The following TTLL5 variants were observed in gnomAD, a reference collection of about 807,000 sequenced individuals.
TTLL5 encodes the protein tubulin tyrosine ligase like 5.
Under a neutral mutation model 168.4 loss-of-function variants are expected in TTLL5, and 132 were observed. That is an observed-to-expected ratio of 0.78 (90% confidence interval 0.68 to 0.91). The LOEUF (loss-of-function observed/expected upper bound fraction) is 0.91, where lower values mean the gene tolerates loss of function less well. TTLL5 is among the 40% of genes least tolerant of loss of function. The probability of loss-of-function intolerance (pLI) is 0.00; values close to 1 mark genes in which losing one functional copy is unlikely to be tolerated. For missense variants in TTLL5, 1,545 were observed against 1,581.5 expected (o/e 0.98, Z 0.39); for synonymous variants, 546 against 558.6 (o/e 0.98, Z 0.32).
chr14:75,677,539 G>A (rs1884268110), intron 3 of TTLL5, among the ~76,000 whole-genome samples: 1 of 151,706 alleles, frequency 6.6e-6, no homozygotes, highest in Non-Finnish European at 1.5e-5. Context: ...TGGGACTACA[G>A]GCGCACAGCA....
Position 75,779,696 on chromosome 14 carries a change from A to G in TTLL5, c.2509A>G (p.Lys837Glu). The change falls in exon 24 of 32, where the codon AAA (lysine) becomes GAA (glutamate). Residue 837 changes from lysine to glutamate, a missense_variant. Coordinates refer to ENST00000298832, the MANE Select transcript of TTLL5 (RefSeq NM_015072.5). Reference protein sequence around the residue: ...NNNNYSDSGAKGDHPETIMEE... With the variant: ...NNNNYSDSGAEGDHPETIMEE... The stretch of plus-strand genomic sequence containing the variant: ...CAACAATTATTCTGATAGTGGGGCA[A>G]AAGGTGGTAAGTATACTGGTTAATG... 3 of 1,611,678 alleles carry G rather than the reference A, an allele frequency of 1.9e-6. No individual in the cohort carries two copies. Among genetic ancestry groups the G allele is most frequent in the Non-Finnish European group, 2.5e-6 (3 of 1,179,290 alleles).
At chr14:75,905,797 G>T (rs1450597785) in intron 31 of TTLL5, among the ~76,000 whole-genome samples, 1 of 152,202 alleles carries the variant, frequency 6.6e-6, no homozygotes, top group Non-Finnish European at 1.5e-5. Flanking sequence ...TACTGTAGGA[G>T]TCTGAAGCCG....
intron 2 of TTLL5, among the ~76,000 whole-genome samples, chr14:75,667,820 G>A (rs1467284440): frequency 7.1e-6 from 1 of 141,472 alleles, no homozygotes; most frequent in Non-Finnish European, 1.5e-5. Flanking sequence ...GAGTGTAGTG[G>A]CACGATCTTG....
intron 28 of TTLL5, among the ~76,000 whole-genome samples, chr14:75,843,076 C>T (rs1181367833): frequency 6.6e-6 from 1 of 152,172 alleles, no homozygotes; most frequent in Non-Finnish European, 1.5e-5. Context: ...CCTGCCTGAC[C>T]AGTCCAGGAT....
At chr14:75,919,127 G>C (rs2033725563) in intron 31 of TTLL5, among the ~76,000 whole-genome samples, 1 of 142,806 alleles carries the variant, frequency 7.0e-6, no homozygotes. Context: ...CTTCAACCAG[G>C]GAGTCAGAGG....
rs1219352574 is a variant in TTLL5 at position 75,745,463 on chromosome 14, A to G, written c.1396-27A>G. The stretch of plus-strand genomic sequence containing the variant: ...ATGGACTCCGGTTTTCAAAATAGGT[A>G]CTCATTTTATCTTATTTTTCATCTA... On this transcript the variant is annotated intron_variant, in intron 16 of 31. Coordinates refer to ENST00000298832, the MANE Select transcript of TTLL5 (RefSeq NM_015072.5). 5.6e-6 allele frequency: 9 copies of G among 1,609,016 alleles called. No homozygotes were observed. In the South Asian group the frequency reaches 8.8e-5, roughly 16 times the overall value.
chr14:75,829,050 TA>T (rs1208953070), intron 28 of TTLL5, among the ~76,000 whole-genome samples: 41 of 152,230 alleles, frequency 2.7e-4, no homozygotes, highest in African/African-American at 9.2e-4. Flanking sequence ...GCAAGTACTA[TA>T]AAGCAATATG....
chr14:75,886,109 C>T (rs2032105249), intron 30 of TTLL5, among the ~76,000 whole-genome samples: 1 of 152,166 alleles, frequency 6.6e-6, no homozygotes, highest in Admixed American at 6.5e-5. Flanking sequence ...TTGTAATGAG[C>T]TTTTGACCAT....
rs1370211900 is a variant in TTLL5, at chr14:75,690,405, A to G, written c.502+83A>G. 2.3e-5 allele frequency: 34 copies of G among 1,494,770 alleles called. No individual in the cohort carries two copies. In the East Asian group the frequency reaches 6.1e-4, roughly 27 times the overall value. The allele number at this position is 1,494,770 out of a possible 1,614,324, so 92.6% of individuals were successfully genotyped here. ...CCCCAAAAGCCTCCTCAAGGTGTCA[A>G]CCAATCAGGGCTTTCCAAATCCTTA... is the stretch of plus-strand genomic sequence containing the variant. On this transcript the variant is annotated intron_variant, in intron 6 of 31. Coordinates refer to ENST00000298832, the MANE Select transcript of TTLL5 (RefSeq NM_015072.5).
intron 31 of TTLL5, among the ~76,000 whole-genome samples, chr14:75,939,504 G>A (rs1471357941): frequency 1.3e-5 from 2 of 152,126 alleles, no homozygotes; most frequent in Admixed American, 6.5e-5. Flanking sequence ...TCCTGCCTCA[G>A]CCCCTGAGTG....
chr14:75,896,206 T>G (rs1249546392), intron 30 of TTLL5, among the ~76,000 whole-genome samples: 2 of 133,918 alleles, frequency 1.5e-5, no homozygotes, highest in Non-Finnish European at 3.1e-5. Context: ...GACTGAGAGA[T>G]AAAAGGAAGA....
chr14:75,907,846 T>C (rs8018962), intron 31 of TTLL5, among the ~76,000 whole-genome samples: 126,083 of 152,220 alleles, frequency 0.83, 52,337 homozygotes, highest in Admixed American at 0.88. Flanking sequence ...GTATTTCCCT[T>C]AGGAGACTGG....
intron 25 of TTLL5, among the ~76,000 whole-genome samples, chr14:75,782,878 A>C (rs1300367466): frequency 6.6e-6 from 1 of 152,204 alleles, no homozygotes; most frequent in Non-Finnish European, 1.5e-5. Flanking sequence ...TAACATGTGT[A>C]AGACATGCCT....
chr14:75,781,514 G>A (rs769217785), intron 24 of TTLL5, among the ~76,000 whole-genome samples: 83 of 152,220 alleles, frequency 5.5e-4, no homozygotes, highest in Non-Finnish European at 7.8e-4. Context: ...TCTAGCCCTT[G>A]ACAAAGATTT....
At chr14:75,891,346 C>T (rs1230619060) in intron 30 of TTLL5, among the ~76,000 whole-genome samples, 2 of 152,190 alleles carry the variant, frequency 1.3e-5, no homozygotes, top group Admixed American at 6.5e-5. Flanking sequence ...CATCTACCTC[C>T]TGGTTTTATT....
At chr14:75,819,028 G>T (rs1328989374) in intron 27 of TTLL5, among the ~76,000 whole-genome samples, 1 of 152,030 alleles carries the variant, frequency 6.6e-6, no homozygotes, top group Non-Finnish European at 1.5e-5. Context: ...TCAATCATAG[G>T]CCTCGGTTTC....
chr14:75,847,839 C>T (rs1896634942), intron 28 of TTLL5: 1 of 152,054 alleles, frequency 6.6e-6, no homozygotes, highest in African/African-American at 2.4e-5. Flanking sequence ...TTTCTAATTC[C>T]AGTAGGCCTG....
At chr14:75,777,793 T>C (rs1282099644) in intron 23 of TTLL5, among the ~76,000 whole-genome samples, 3 of 152,148 alleles carry the variant, frequency 2.0e-5, no homozygotes, top group Non-Finnish European at 4.4e-5. Context: ...AATATAATCT[T>C]TGTTTAATAC....
chr14:75,809,652 G>T (rs1595077301), intron 27 of TTLL5, among the ~76,000 whole-genome samples: 1 of 152,092 alleles, frequency 6.6e-6, no homozygotes, highest in Non-Finnish European at 1.5e-5. Flanking sequence ...CTATACTTTC[G>T]AATACTAGAA....
Sources: allele counts gnomAD v4.1 joint callset (sites outside exome capture counted in the v4.1 genomes callset), GRCh38; gene constraint gnomAD v4.1.1; transcripts MANE v1.5; gene names NCBI Gene and HGNC (gene_info 2026-07-23, HGNC 2026-07-21).